The following LINGO2 variants were observed in gnomAD, a reference collection of about 807,000 sequenced individuals.
The protein encoded by LINGO2 is leucine rich repeat and Ig domain containing 2.
A neutral mutation model predicts 30.6 loss-of-function variants in LINGO2; 14 were observed. The observed-to-expected ratio is 0.46, with a 90% CI of 0.30 to 0.72. LINGO2 has a LOEUF of 0.72. Among genes scored for constraint, LINGO2 ranks in the 30% least tolerant of loss-of-function variants. LINGO2 has a pLI of 0.07. For synonymous variants in LINGO2, 317 were observed against 288.5 expected (o/e 1.10, Z -1.00); for missense variants, 729 against 751.7 (o/e 0.97, Z 0.35).
chr9:28,877,406 T>A, the LINGO2 span, among the ~76,000 whole-genome samples: 4 of 152,190 alleles, frequency 2.6e-5, no homozygotes, highest in East Asian at 5.8e-4. Context: ...AAGTCGTTAA[T>A]CCATCTTGAA....
At chr9:28,155,456 A>G (rs1027318509) in intron 4 of LINGO2, among the ~76,000 whole-genome samples, 1 of 152,210 alleles carries the variant, frequency 6.6e-6, no homozygotes, top group African/African-American at 2.4e-5. Context: ...TCTCTAGACA[A>G]TAGTCAAAAT....
chr9:28,711,610 C>T, the LINGO2 span, among the ~76,000 whole-genome samples: 1 of 152,082 alleles, frequency 6.6e-6, no homozygotes. Flanking sequence ...AACCTTGGGA[C>T]AACACATAAT....
chr9:28,811,182 C>T, the LINGO2 span, among the ~76,000 whole-genome samples: 1 of 152,146 alleles, frequency 6.6e-6, no homozygotes, highest in Non-Finnish European at 1.5e-5. Flanking sequence ...AGTTTTTCTT[C>T]GTTCTTCTCT....
chr9:28,661,145 AAT>A (rs372827051), intron 1 of LINGO2, among the ~76,000 whole-genome samples: 8 of 150,000 alleles, frequency 5.3e-5, no homozygotes, highest in Non-Finnish European at 7.4e-5. Context: ...GATGCAGAAA[AAT>A]ATATATATAT....
At chr9:29,007,949 T>G in the LINGO2 span, among the ~76,000 whole-genome samples, 1 of 152,182 alleles carries the variant, frequency 6.6e-6, no homozygotes, top group East Asian at 1.9e-4. Flanking sequence ...AATTATACTT[T>G]AAGTTCTAGG....
chr9:29,128,076 GATGAT>G, the LINGO2 span, among the ~76,000 whole-genome samples: 1 of 152,040 alleles, frequency 6.6e-6, no homozygotes, highest in Non-Finnish European at 1.5e-5. Context: ...AAATTATAAG[GATGAT>G]ATAAGTCAAG....
At chr9:28,513,468 A>G (rs1389257172) in intron 1 of LINGO2, among the ~76,000 whole-genome samples, 1 of 152,224 alleles carries the variant, frequency 6.6e-6, no homozygotes, top group Non-Finnish European at 1.5e-5. Flanking sequence ...TCAGTCTGTA[A>G]TCTCACTGAT....
At chr9:28,910,687 T>C in the LINGO2 span, among the ~76,000 whole-genome samples, 9 of 152,064 alleles carry the variant, frequency 5.9e-5, no homozygotes, top group Admixed American at 5.2e-4. Flanking sequence ...TCTACCATGA[T>C]AGTAAGTTTC....
the LINGO2 span, among the ~76,000 whole-genome samples, chr9:28,855,638 A>G: frequency 6.6e-6 from 1 of 151,860 alleles, no homozygotes; most frequent in African/African-American, 2.4e-5. Context: ...AAAATATAAG[A>G]TAGGTGCCCC....
chr9:27,970,113 T>C (rs1820283702), intron 5 of LINGO2, among the ~76,000 whole-genome samples: 1 of 152,200 alleles, frequency 6.6e-6, no homozygotes, highest in African/African-American at 2.4e-5. Flanking sequence ...CTCTGTAATC[T>C]AGGTTTTCTA....
intron 1 of LINGO2, among the ~76,000 whole-genome samples, chr9:28,626,575 A>C (rs1304363627): frequency 6.6e-6 from 1 of 152,034 alleles, no homozygotes; most frequent in Non-Finnish European, 1.5e-5. Flanking sequence ...TACCTAGTTT[A>C]AGCATCATTT....
chr9:28,376,303 G>T (rs1215748333), intron 2 of LINGO2, among the ~76,000 whole-genome samples: 2 of 152,134 alleles, frequency 1.3e-5, no homozygotes, highest in Non-Finnish European at 2.9e-5. Flanking sequence ...GAGATATTAA[G>T]TATCTATTGT....
At chr9:28,497,854 G>T (rs1478704370) in intron 1 of LINGO2, among the ~76,000 whole-genome samples, 1 of 152,188 alleles carries the variant, frequency 6.6e-6, no homozygotes, top group Non-Finnish European at 1.5e-5. Flanking sequence ...TGTCCTTTCT[G>T]TTTGTTAGTT....
chr9:28,920,719 T>A, the LINGO2 span, among the ~76,000 whole-genome samples: 1 of 71,382 alleles, frequency 1.4e-5, no homozygotes, highest in African/African-American at 4.6e-5. Context: ...CTTTGTTATA[T>A]CCAGATACAC....
At chr9:29,125,805 GTTT>G in the LINGO2 span, among the ~76,000 whole-genome samples, 41 of 152,022 alleles carry the variant, frequency 2.7e-4, no homozygotes, top group Non-Finnish European at 5.1e-4. Context: ...TGAACATATG[GTTT>G]GTTTTAGAAC....
chr9:28,016,620 A>G (rs1282889542), intron 4 of LINGO2, among the ~76,000 whole-genome samples: 1 of 151,318 alleles, frequency 6.6e-6, no homozygotes, highest in Non-Finnish European at 1.5e-5. Flanking sequence ...ACAACCTCCC[A>G]AGACTGAACC....
At chr9:28,723,496 T>C in the LINGO2 span, among the ~76,000 whole-genome samples, 17 of 152,238 alleles carry the variant, frequency 1.1e-4, no homozygotes, top group African/African-American at 4.1e-4. Flanking sequence ...AGGCCCAACC[T>C]ATCCCTTAGT....
intron 1 of LINGO2, among the ~76,000 whole-genome samples, chr9:28,478,285 C>T (rs931334016): frequency 6.6e-6 from 1 of 152,026 alleles, no homozygotes; most frequent in Non-Finnish European, 1.5e-5. Context: ...TTTTTCCTAT[C>T]TGAATCATTC....
At chr9:28,372,343 T>C (rs940258760) in intron 3 of LINGO2, among the ~76,000 whole-genome samples, 6 of 152,200 alleles carry the variant, frequency 3.9e-5, no homozygotes, top group Admixed American at 3.3e-4. Context: ...TTAACATACA[T>C]GTTAAATTCT....
Sources: gnomAD v4.1 joint callset for allele counts (sites outside exome capture counted in the v4.1 genomes callset) on GRCh38, gnomAD v4.1.1 for gene constraint, MANE v1.5 for transcripts, NCBI Gene and HGNC (gene_info 2026-07-23, HGNC 2026-07-21) for gene names.